Variants in RANBP2 observed in about 807,000 individuals in gnomAD.
The protein encoded by RANBP2 is RAN binding protein 2.
A neutral mutation model predicts 303.6 loss-of-function variants in RANBP2; 57 were observed. That is an observed-to-expected ratio of 0.19 (90% CI 0.15 to 0.23). The LOEUF is 0.23. Among genes scored for constraint, RANBP2 ranks in the 10% least tolerant of loss-of-function variants. RANBP2 has a pLI of 1.00. For missense variants in RANBP2, 3,138 were observed against 3,780.8 expected, an observed-to-expected ratio of 0.83 and a Z score of 4.46; for synonymous variants, 1,167 against 1,301.5, an observed-to-expected ratio of 0.90 and a Z score of 2.23.
the RANBP2 span, among the ~76,000 whole-genome samples, chr2:109,487,348 G>A: frequency 6.6e-6 from 1 of 152,176 alleles, no homozygotes; most frequent in Non-Finnish European, 1.5e-5. Flanking sequence ...CACCAGGGAA[G>A]TGCCTAGACC....
chr2:109,713,435 C>T, the RANBP2 span, among the ~76,000 whole-genome samples: 1 of 152,140 alleles, frequency 6.6e-6, no homozygotes, highest in Non-Finnish European at 1.5e-5. Context: ...CCAGCAAGGG[C>T]TGAGTGTCAG....
the RANBP2 span, among the ~76,000 whole-genome samples, chr2:109,571,379 G>C: frequency 1.3e-5 from 2 of 152,126 alleles, no homozygotes; most frequent in Non-Finnish European, 2.9e-5. Context: ...CACAAACCTG[G>C]ATGTTATAGC....
chr2:108,993,919 T>A, the RANBP2 span, among the ~76,000 whole-genome samples: 1 of 152,142 alleles, frequency 6.6e-6, no homozygotes, highest in African/African-American at 2.4e-5. Context: ...AGACCCAGTG[T>A]CTGGTCATCT....
chr2:109,600,076 G>A, the RANBP2 span, among the ~76,000 whole-genome samples: 6 of 152,264 alleles, frequency 3.9e-5, no homozygotes, highest in Admixed American at 6.5e-5. Context: ...ATAGACCCAA[G>A]ACCACTTTCT....
chr2:109,417,584 G>C, the RANBP2 span, among the ~76,000 whole-genome samples: 1 of 152,146 alleles, frequency 6.6e-6, no homozygotes, highest in Admixed American at 6.5e-5. Flanking sequence ...TGGACACCTG[G>C]CTCTCTCAGG....
the RANBP2 span, among the ~76,000 whole-genome samples, chr2:109,455,322 A>G: frequency 6.6e-6 from 1 of 152,126 alleles, no homozygotes; most frequent in Non-Finnish European, 1.5e-5. Flanking sequence ...CACAGCCAGA[A>G]CCCATGCAAC....
the RANBP2 span, among the ~76,000 whole-genome samples, chr2:109,334,546 G>A: frequency 1.2e-4 from 18 of 152,214 alleles, no homozygotes; most frequent in Admixed American, 2.0e-4. Flanking sequence ...CAGCCAGCAG[G>A]GGAACCCTCA....
chr2:108,729,778 G>T (rs558706045), intron 2 of RANBP2, among the ~76,000 whole-genome samples: 1 of 150,790 alleles, frequency 6.6e-6, no homozygotes, highest in East Asian at 2.0e-4. Flanking sequence ...TGCAGCAGCT[G>T]GCTCCATCTT....
chr2:109,301,122 G>C, the RANBP2 span, among the ~76,000 whole-genome samples: 48 of 152,332 alleles, frequency 3.2e-4, no homozygotes. Flanking sequence ...TGTGGGAATA[G>C]AAGGCCAGCT....
chr2:109,401,981 C>A, the RANBP2 span, among the ~76,000 whole-genome samples: 1 of 152,240 alleles, frequency 6.6e-6, no homozygotes, highest in Non-Finnish European at 1.5e-5. Flanking sequence ...AGGCTACTGA[C>A]TTTAGTTTGG....
the RANBP2 span, among the ~76,000 whole-genome samples, chr2:109,557,700 C>G: frequency 6.6e-6 from 1 of 152,116 alleles, no homozygotes; most frequent in Non-Finnish European, 1.5e-5. Flanking sequence ...TAAAGAAAGT[C>G]AGATCTGAAA....
chr2:109,623,173 G>A, the RANBP2 span, among the ~76,000 whole-genome samples: 8 of 152,138 alleles, frequency 5.3e-5, no homozygotes, highest in Admixed American at 5.2e-4. Context: ...GTTCATTTTG[G>A]CACAGGCGGG....
chr2:108,818,280 C>G, the RANBP2 span, among the ~76,000 whole-genome samples: 4 of 152,120 alleles, frequency 2.6e-5, no homozygotes, highest in African/African-American at 9.7e-5. Context: ...GTACTCCAGC[C>G]TGGGCAACAG....
the RANBP2 span, among the ~76,000 whole-genome samples, chr2:108,834,862 A>T: frequency 1.1e-4 from 17 of 152,296 alleles, no homozygotes; most frequent in Middle Eastern, 3.4e-3. Context: ...CAGGCATATG[A>T]CTTTGTCACT....
chr2:109,247,336 C>T, the RANBP2 span, among the ~76,000 whole-genome samples: 1 of 152,188 alleles, frequency 6.6e-6, no homozygotes, highest in African/African-American at 2.4e-5. Context: ...TCTGCAGCCC[C>T]TCCCTGAACT....
At chr2:109,594,129 T>G in the RANBP2 span, among the ~76,000 whole-genome samples, 1 of 152,188 alleles carries the variant, frequency 6.6e-6, no homozygotes, top group Non-Finnish European at 1.5e-5. Context: ...ATATTCACTG[T>G]TCGCAACAGT....
the RANBP2 span, among the ~76,000 whole-genome samples, chr2:109,322,376 C>T: frequency 2.0e-5 from 3 of 152,184 alleles, no homozygotes; most frequent in South Asian, 6.2e-4. Flanking sequence ...TTCCCACAGG[C>T]AGACTAGGCA....
chr2:109,419,772 G>A, the RANBP2 span: 23 of 780,534 alleles, frequency 2.9e-5, no homozygotes, highest in Admixed American at 5.4e-5. Context: ...AGTTATGTGC[G>A]TCTAATAACA....
chr2:108,816,015 A>G, the RANBP2 span: 1 of 1,613,872 alleles, frequency 6.2e-7, no homozygotes, highest in Admixed American at 1.7e-5. Flanking sequence ...ATCTTAGCAA[A>G]GTGAAACATG....
Sources: allele counts gnomAD v4.1 joint callset (sites outside exome capture counted in the v4.1 genomes callset), GRCh38; gene constraint gnomAD v4.1.1; transcripts MANE v1.5; gene names NCBI Gene and HGNC (gene_info 2026-07-23, HGNC 2026-07-21).